Variants in GABRB3 observed in about 807,000 individuals in gnomAD.
GABRB3 encodes the protein gamma-aminobutyric acid type A receptor subunit beta3.
GABRB3 carries 14 observed loss-of-function variants against 52.1 expected under a neutral mutation model. The ratio of observed to expected loss-of-function variants is 0.27; its 90% CI spans 0.18 to 0.42. The LOEUF (loss-of-function observed/expected upper bound fraction) is 0.42, where lower values mean the gene tolerates loss of function less well. GABRB3 is among the 10% of genes least tolerant of loss of function. The pLI, the probability that GABRB3 is intolerant of heterozygous loss-of-function variation, is 1.00. For synonymous variants in GABRB3, 260 were observed against 232.3 expected (o/e 1.12, Z -1.08); for missense variants, 307 against 609.1 (o/e 0.50, Z 5.22).
intron 3 of GABRB3, among the ~76,000 whole-genome samples, chr15:26,767,918 A>G (rs1443817964): frequency 6.6e-6 from 1 of 152,200 alleles, no homozygotes; most frequent in Non-Finnish European, 1.5e-5. Flanking sequence ...ATTTTTGTAC[A>G]TGGGTATGAC....
intron 3 of GABRB3, among the ~76,000 whole-genome samples, chr15:26,680,888 G>C (rs1215945653): frequency 1.3e-5 from 2 of 152,174 alleles, no homozygotes; most frequent in African/African-American, 4.8e-5. Flanking sequence ...CATTCTTACT[G>C]AATAACTATC....
At position 26,705,412 on chromosome 15, in the gene GABRB3, G is replaced by A. The variant is rs557504555; in HGVS notation, c.240+66990C>T. Among the ~76,000 whole-genome samples the A allele has an allele frequency of 3.9e-5, 6 of 152,276 alleles. No homozygotes were observed. The South Asian group carries it at 1.2e-3, about 32-fold the overall frequency. ...AAACCACAGCAACATCGTATTGGGGGTTAGGATTTCAACATACAAATTTTG... is the reference window on the plus strand; with the variant it reads ...AAACCACAGCAACATCGTATTGGGGATTAGGATTTCAACATACAAATTTTG... On this transcript the variant is annotated intron_variant, in intron 3 of 8. Transcript: ENST00000311550.
intron 8 of GABRB3, among the ~76,000 whole-genome samples, chr15:26,559,742 T>C (rs1314541429): frequency 2.0e-5 from 3 of 152,168 alleles, no homozygotes; most frequent in South Asian, 4.1e-4. Flanking sequence ...CATTGCTGAG[T>C]TGGGCTGGGC....
intron 3 of GABRB3, among the ~76,000 whole-genome samples, chr15:26,664,073 G>C (rs1184897647): frequency 1.3e-5 from 2 of 152,014 alleles, no homozygotes; most frequent in African/African-American, 4.8e-5. Flanking sequence ...TAGAGACAGG[G>C]TCTCACTTTA....
intron 3 of GABRB3, among the ~76,000 whole-genome samples, chr15:26,654,134 C>G (rs1425634292): frequency 6.6e-6 from 1 of 152,030 alleles, no homozygotes; most frequent in African/African-American, 2.4e-5. Flanking sequence ...TTGTGGTAAA[C>G]AAAGGTGTTT....
At chr15:26,568,498 T>TA (rs1890264701) in intron 6 of GABRB3, among the ~76,000 whole-genome samples, 1 of 97,180 alleles carries the variant, frequency 1.0e-5, no homozygotes, top group Non-Finnish European at 2.7e-5. Flanking sequence ...TTGTTTTCCT[T>TA]TCTTTTTTTT....
At chr15:26,722,342 G>A (rs974776470) in intron 3 of GABRB3, among the ~76,000 whole-genome samples, 3 of 152,172 alleles carry the variant, frequency 2.0e-5, no homozygotes, top group African/African-American at 7.2e-5. Context: ...TTGTTTATAA[G>A]AGAGAGAATT....
chr15:26,686,659 G>GGCCA (rs1224155273), intron 3 of GABRB3, among the ~76,000 whole-genome samples: 1 of 152,198 alleles, frequency 6.6e-6, no homozygotes. Context: ...TAAGGTAATA[G>GGCCA]GCCAGCAGTG....
chr15:26,558,717 A>G lies in GABRB3; in HGVS notation c.1080+2215T>C, dbSNP rs551628937. Among the ~76,000 whole-genome samples the G allele has an allele frequency of 3.9e-4, 60 of 152,310 alleles. No individual in the cohort carries two copies. The South Asian group carries it at 0.012, about 29-fold the overall frequency. On this transcript the variant is annotated intron_variant, in intron 8 of 8. Transcript: ENST00000311550. ...CAGGAGTTGGAGACCAGCCTGGCCA[A>G]CATGGCAAAACCCTGTCTCTACTAA...
chr15:26,601,165 T>A (rs1242484618), intron 4 of GABRB3, among the ~76,000 whole-genome samples: 1 of 152,130 alleles, frequency 6.6e-6, no homozygotes, highest in African/African-American at 2.4e-5. Context: ...GGCTCACAAC[T>A]GTAAGCCCAG....
At chr15:26,712,974 G>A (rs1476294727) in intron 3 of GABRB3, among the ~76,000 whole-genome samples, 1 of 152,236 alleles carries the variant, frequency 6.6e-6, no homozygotes, top group Non-Finnish European at 1.5e-5. Context: ...GCACAGCGAA[G>A]GCAGACGGAG....
At chr15:26,620,067 T>A (rs915312613) in intron 4 of GABRB3, among the ~76,000 whole-genome samples, 6 of 152,160 alleles carry the variant, frequency 3.9e-5, no homozygotes, top group Admixed American at 3.9e-4. Context: ...GACTTCTGAA[T>A]AGTCTTTTGT....
chr15:26,746,058 T>C (rs1890330293), intron 3 of GABRB3, among the ~76,000 whole-genome samples: 1 of 152,236 alleles, frequency 6.6e-6, no homozygotes, highest in South Asian at 2.1e-4. Context: ...GATTTTCTAA[T>C]TTCCACCAGC....
chr15:26,722,649 T>C (rs1027310065), intron 3 of GABRB3, among the ~76,000 whole-genome samples: 1 of 152,226 alleles, frequency 6.6e-6, no homozygotes, highest in African/African-American at 2.4e-5. Flanking sequence ...GCAACACTTT[T>C]GACTTTATAG....
intron 3 of GABRB3, among the ~76,000 whole-genome samples, chr15:26,736,602 G>A (rs529938420): frequency 2.6e-5 from 4 of 152,382 alleles, no homozygotes; most frequent in Admixed American, 2.6e-4. Context: ...GGGCAGCAGG[G>A]AGGAGGCCCA....
chr15:26,741,362 C>T (rs751671162), intron 3 of GABRB3, among the ~76,000 whole-genome samples: 1 of 152,152 alleles, frequency 6.6e-6, no homozygotes, highest in Admixed American at 6.5e-5. Flanking sequence ...AGACGAGACC[C>T]ATCACAGTCA....
At chr15:26,707,136 G>A (rs1889128604) in intron 3 of GABRB3, among the ~76,000 whole-genome samples, 1 of 152,188 alleles carries the variant, frequency 6.6e-6, no homozygotes, top group Non-Finnish European at 1.5e-5. Flanking sequence ...AGGATCATAA[G>A]AGAGAAAGTA....
At chr15:26,767,404 C>T (rs994020479) in intron 3 of GABRB3, among the ~76,000 whole-genome samples, 1 of 152,212 alleles carries the variant, frequency 6.6e-6, no homozygotes, top group Non-Finnish European at 1.5e-5. Context: ...AAAGGACAGC[C>T]TGCTAACATG....
chr15:26,622,836 C>G (rs544369732), intron 3 of GABRB3, among the ~76,000 whole-genome samples: 2 of 152,236 alleles, frequency 1.3e-5, no homozygotes, highest in South Asian at 4.2e-4. Context: ...CCAGCTTGTA[C>G]TATATCACTG....
Sources: gnomAD v4.1 joint callset for allele counts (sites outside exome capture counted in the v4.1 genomes callset) on GRCh38, gnomAD v4.1.1 for gene constraint, MANE v1.5 for transcripts, NCBI Gene and HGNC (gene_info 2026-07-23, HGNC 2026-07-21) for gene names.